The following MYLIP variants were observed in gnomAD, a reference collection of about 807,000 sequenced individuals.
MYLIP encodes the protein E3 ubiquitin-protein ligase MYLIP.
A neutral mutation model predicts 45.8 loss-of-function variants in MYLIP; 26 were observed. That is an observed-to-expected ratio of 0.57 (90% CI 0.42 to 0.79). MYLIP has a LOEUF of 0.79. MYLIP is among the 30% of genes least tolerant of loss of function. The pLI is 0.00. For missense variants in MYLIP, 494 were observed against 555.6 expected (o/e 0.89, Z 1.11); for synonymous variants, 213 against 218.1 (o/e 0.98, Z 0.21).
At chr6:16,135,300 G>A (rs972694587) in intron 2 of MYLIP, among the ~76,000 whole-genome samples, 33 of 152,214 alleles carry the variant, frequency 2.2e-4, no homozygotes, top group African/African-American at 8.0e-4. Context: ...GATCTACTGT[G>A]AGTGAATAAG....
At chr6:16,141,588 TC>T (rs1222844218) in intron 2 of MYLIP, 36 bp from the exon 3 acceptor site, 1 of 1,562,572 alleles carries the variant, frequency 6.4e-7, no homozygotes, top group Non-Finnish European at 8.7e-7. Context: ...TGTCAGGTTA[TC>T]CCCAAGCATA....
chr6:16,134,797 AT>A (rs1267512051), intron 2 of MYLIP, among the ~76,000 whole-genome samples: 3 of 152,002 alleles, frequency 2.0e-5, no homozygotes, highest in Non-Finnish European at 4.4e-5. Flanking sequence ...TTCTGATATA[AT>A]TTTTTCTTTT....
chr6:16,145,592 G>T (rs1191400724), intron 6 of MYLIP, among the ~76,000 whole-genome samples: 1 of 152,236 alleles, frequency 6.6e-6, no homozygotes, highest in African/African-American at 2.4e-5. Context: ...TCTAGTTAGC[G>T]GCTTACCTGA....
the MYLIP span, chr6:16,161,248 G>A: frequency 1.7e-5 from 6 of 343,648 alleles, no homozygotes; most frequent in South Asian, 5.5e-5. Context: ...TAATACACCC[G>A]TGAAATACAC....
At position 16,141,726 on chromosome 6, in the gene MYLIP, A is replaced by T. The variant is rs772572152; in HGVS notation, c.380A>T (p.Lys127Met). 6.2e-7 allele frequency: 1 copy of T among 1,614,150 alleles called. No individual in the cohort carries two copies. The highest frequency in any genetic ancestry group is 2.2e-5 in the East Asian group (1 of 44,882). ...VELSALLAQTKFGDYNQNTAK... is the reference protein window; with the variant it reads ...VELSALLAQTMFGDYNQNTAK... ...CTCAGTGCCCTCCTGGCCCAGACCAAGTTTGGAGACTACAACCAGAACACT... is the reference window on the plus strand; with the variant it reads ...CTCAGTGCCCTCCTGGCCCAGACCATGTTTGGAGACTACAACCAGAACACT... The change falls in exon 3 of 7, where the codon AAG (lysine) becomes ATG (methionine). Residue 127 changes from lysine to methionine, a missense_variant. Physicochemically the swap from Lys to Met is moderately conservative, Grantham distance 95 (BLOSUM62 -1). Coordinates refer to ENST00000356840, the MANE Select transcript of MYLIP (RefSeq NM_013262.4).
downstream of MYLIP, among the ~76,000 whole-genome samples, chr6:16,148,942 G>A (rs1759846921): frequency 6.6e-6 from 1 of 152,010 alleles, no homozygotes; most frequent in Admixed American, 6.5e-5. Context: ...TTTAATTAGA[G>A]GCAGGGGTAT....
At chr6:16,137,940 C>A (rs1279487531) in intron 2 of MYLIP, among the ~76,000 whole-genome samples, 1 of 151,966 alleles carries the variant, frequency 6.6e-6, no homozygotes, top group Non-Finnish European at 1.5e-5. Flanking sequence ...GCCCACGATG[C>A]CAGGACATGA....
the MYLIP span, among the ~76,000 whole-genome samples, chr6:16,158,632 A>G: frequency 0.32 from 49,281 of 152,066 alleles, 9,811 homozygotes; most frequent in East Asian, 0.72. Context: ...CAAGTCGAAT[A>G]AGCTCTCTAA....
In MYLIP at chr6:16,132,691, G is replaced by T. The variant is rs80336179; in HGVS notation, c.278+1944G>T. ...AATTAGGACATCAGAAGCTGTACTGGGTCCAGTTTACAATTAGCATTGTTT... is the reference window on the plus strand; with the variant it reads ...AATTAGGACATCAGAAGCTGTACTGTGTCCAGTTTACAATTAGCATTGTTT... On this transcript the variant is annotated intron_variant, in intron 2 of 6. Transcript: ENST00000356840. Among the ~76,000 whole-genome samples, 660 of 152,128 alleles carry T rather than the reference G, an allele frequency of 4.3e-3. 8 individuals are homozygous for T. The highest frequency in any genetic ancestry group is 0.015 in the African/African-American group (624 of 41,488).
chr6:16,130,960 T>A (rs944581224), intron 2 of MYLIP, among the ~76,000 whole-genome samples: 1 of 150,758 alleles, frequency 6.6e-6, no homozygotes, highest in African/African-American at 2.5e-5. Flanking sequence ...TAGTTTTTCT[T>A]GTCTTTATAA....
chr6:16,144,347 T>C (rs1759740606), intron 5 of MYLIP, among the ~76,000 whole-genome samples: 1 of 152,210 alleles, frequency 6.6e-6, no homozygotes, highest in African/African-American at 2.4e-5. Flanking sequence ...ATCTTTTCTT[T>C]CTGGCAGAGC....
At chr6:16,150,430 G>A (rs1759862198), downstream of MYLIP, among the ~76,000 whole-genome samples, 1 of 152,202 alleles carries the variant, frequency 6.6e-6, no homozygotes, top group South Asian at 2.1e-4. Flanking sequence ...TGAGGATGCG[G>A]AAGTGGTCAG....
the MYLIP span, among the ~76,000 whole-genome samples, chr6:16,157,260 A>G: frequency 6.6e-6 from 1 of 152,146 alleles, no homozygotes; most frequent in South Asian, 2.1e-4. Flanking sequence ...AAATCTCACT[A>G]CTTGCCAAAT....
rs1371820408 is a variant in MYLIP, at chr6:16,129,212, C to T, written c.-111C>T. 1.7e-6 allele frequency: 2 copies of T among 1,180,894 alleles called. No individual in the cohort carries two copies. The highest frequency in any genetic ancestry group is 1.2e-6 in the Non-Finnish European group (1 of 832,898). The allele number at this position is 1,180,894 out of a possible 1,614,324, so 73.2% of individuals were successfully genotyped here. ...GGACAAGGGTCCGCAGAGCTGCAGC[C>T]TTCGAGGGCCAGCCCTCTCCGAGTC... On this transcript the variant is annotated 5_prime_UTR_variant, in exon 1 of 7. Coordinates refer to ENST00000356840, the MANE Select transcript of MYLIP (RefSeq NM_013262.4). The surrounding 1 kb of genome is among the most constrained non-coding windows in gnomAD (Gnocchi z 5.1).
the MYLIP span, among the ~76,000 whole-genome samples, chr6:16,161,738 T>G: frequency 6.6e-6 from 1 of 152,232 alleles, no homozygotes; most frequent in Non-Finnish European, 1.5e-5. Context: ...CACCACTCAT[T>G]ACCTATATTT....
the MYLIP span, chr6:16,163,443 T>C: frequency 2.0e-5 from 3 of 152,354 alleles, no homozygotes; most frequent in South Asian, 2.1e-4. Flanking sequence ...ATAAAAATAA[T>C]GCTAGAAACT....
intron 3 of MYLIP, 92 bp from the exon 4 acceptor site, chr6:16,142,928 T>C (rs2113556466): frequency 8.0e-7 from 1 of 1,242,492 alleles, no homozygotes; most frequent in Non-Finnish European, 1.1e-6. Context: ...GATTCATCAG[T>C]GTTAGTATAT....
At chr6:16,140,084 G>A (rs569336184) in intron 2 of MYLIP, among the ~76,000 whole-genome samples, 5 of 152,326 alleles carry the variant, frequency 3.3e-5, no homozygotes, top group South Asian at 4.1e-4. Context: ...TACCTGGAAT[G>A]TCAGACACAG....
chr6:16,161,830 G>A, the MYLIP span, among the ~76,000 whole-genome samples: 1 of 151,930 alleles, frequency 6.6e-6, no homozygotes, highest in Non-Finnish European at 1.5e-5. Context: ...CCTTTATATA[G>A]TAAAAATGAG....
Sources: allele counts gnomAD v4.1 joint callset (sites outside exome capture counted in the v4.1 genomes callset), GRCh38; gene constraint gnomAD v4.1.1; non-coding constraint Gnocchi (gnomAD v3.1); transcripts MANE v1.5; gene names NCBI Gene and HGNC (gene_info 2026-07-23, HGNC 2026-07-21).